The following ASTN2 variants were observed in gnomAD, a reference collection of about 807,000 sequenced individuals.
ASTN2 encodes the protein astrotactin-2.
ASTN2 carries 54 observed loss-of-function variants against 139.8 expected under a neutral mutation model. The observed-to-expected ratio is 0.39, with a 90% CI of 0.31 to 0.48. The LOEUF is 0.48. Among genes scored for constraint, ASTN2 ranks in the 20% least tolerant of loss-of-function variants. The pLI, the probability that ASTN2 is intolerant of heterozygous loss-of-function variation, is 0.95. For missense variants in ASTN2, 1,565 were observed against 1,725.1 expected (o/e 0.91, Z 1.64); for synonymous variants, 756 against 719.5 (o/e 1.05, Z -0.81).
chr9:116,792,026 A>G (rs942770977), intron 13 of ASTN2, among the ~76,000 whole-genome samples: 40 of 152,220 alleles, frequency 2.6e-4, no homozygotes, highest in Non-Finnish European at 4.4e-4. Flanking sequence ...TAAAATGACC[A>G]GGTTTGGTAT....
At chr9:116,642,141 A>AAAAAAAC (rs1857366787) in intron 17 of ASTN2, among the ~76,000 whole-genome samples, 1 of 145,774 alleles carries the variant, frequency 6.9e-6, no homozygotes, top group African/African-American at 2.6e-5. Context: ...ACAAAAAAAA[A>AAAAAAAC]AAAACAAAAA....
intron 19 of ASTN2, among the ~76,000 whole-genome samples, chr9:116,504,781 A>G (rs1850033807): frequency 6.6e-6 from 1 of 151,670 alleles, no homozygotes; most frequent in African/African-American, 2.4e-5. Flanking sequence ...CTGTAGCTCC[A>G]GCTACTCAGG....
rs1554732997 is a variant in ASTN2 at position 116,698,625 on chromosome 9, G to A, written c.2806+27146C>T. The A allele has an allele frequency of 1.2e-6, 2 of 1,614,146 alleles. No individual in the cohort carries two copies. The highest frequency in any genetic ancestry group is 1.1e-5 in the South Asian group (1 of 91,082). ...TGGCCCCCTCCAAATTGGACAAGCT[G>A]TTAAGAAGCCCCGGACAGTTAACGT... is the stretch of plus-strand genomic sequence containing the variant. On this transcript the variant is annotated intron_variant, in intron 16 of 22. Coordinates refer to ENST00000313400, the MANE Select transcript of ASTN2 (RefSeq NM_001365068.1). The surrounding 1 kb of genome is among the most constrained non-coding windows in gnomAD (Gnocchi z 4.4).
intron 13 of ASTN2, among the ~76,000 whole-genome samples, chr9:116,794,671 A>G (rs1830646942): frequency 6.6e-6 from 1 of 152,194 alleles, no homozygotes; most frequent in African/African-American, 2.4e-5. Context: ...TATGAGCATC[A>G]ATCTGCTTTG....
At chr9:117,273,608 G>A (rs1210135628) in intron 2 of ASTN2, among the ~76,000 whole-genome samples, 1 of 152,170 alleles carries the variant, frequency 6.6e-6, no homozygotes, top group Non-Finnish European at 1.5e-5. Context: ...ACGGGGCCAT[G>A]CACATGAGCA....
chr9:116,709,103 T>C (rs749706902), intron 16 of ASTN2, among the ~76,000 whole-genome samples: 2 of 152,176 alleles, frequency 1.3e-5, no homozygotes, highest in Non-Finnish European at 2.9e-5. Flanking sequence ...AGCCTGTGAC[T>C]CTCCATACCA....
intron 1 of ASTN2, among the ~76,000 whole-genome samples, chr9:117,327,702 C>T (rs1828563497): frequency 6.6e-6 from 1 of 152,144 alleles, no homozygotes; most frequent in African/African-American, 2.4e-5. Flanking sequence ...ATGCAGAAGT[C>T]CCTAGGGAGG....
At chr9:116,439,435 C>T (rs1055409522) in intron 22 of ASTN2, among the ~76,000 whole-genome samples, 16 of 139,476 alleles carry the variant, frequency 1.1e-4, no homozygotes, top group Non-Finnish European at 1.5e-4. Flanking sequence ...CTCCTGACCT[C>T]GTGATCCGCC....
chr9:116,577,892 T>C (rs2131704371), intron 19 of ASTN2, among the ~76,000 whole-genome samples: 1 of 152,150 alleles, frequency 6.6e-6, no homozygotes, highest in Non-Finnish European at 1.5e-5. Context: ...AGCAGAGGGA[T>C]TTAAACTTGC....
intron 19 of ASTN2, among the ~76,000 whole-genome samples, chr9:116,614,635 T>C (rs977887821): frequency 2.6e-5 from 4 of 152,144 alleles, no homozygotes; most frequent in Non-Finnish European, 4.4e-5. Context: ...GGATTCCCTA[T>C]TTAATAAATG....
intron 15 of ASTN2, 114 bp downstream of exon 15, chr9:116,728,878 T>C (rs1828702573): frequency 4.8e-6 from 4 of 829,534 alleles, no homozygotes; most frequent in Non-Finnish European, 3.8e-6. Context: ...AGAGGATGCA[T>C]CCTCATTTCC....
chr9:117,414,426 C>T lies in ASTN2; in HGVS notation c.442+71G>A, dbSNP rs1831265951. On this transcript the variant is annotated intron_variant, in intron 1 of 22. Transcript: ENST00000313400. This position sits in a 1 kb window ranked among gnomAD's most constrained non-coding sequence, Gnocchi z 4.2. ...CCCGGGCAGGGATCCCCAGGGCGCC[C>T]CCACCCGTCCGGCATGACGCAGGGG... 1.9e-6 allele frequency: 3 copies of T among 1,580,816 alleles called. No individual in the cohort carries two copies. The Admixed American group carries it at 5.2e-5, about 27-fold the overall frequency.
intron 19 of ASTN2, among the ~76,000 whole-genome samples, chr9:116,489,229 G>T (rs549358138): frequency 6.6e-6 from 1 of 152,202 alleles, no homozygotes; most frequent in African/African-American, 2.4e-5. Flanking sequence ...CAGCTTGGTG[G>T]TGCTTCTCTA....
At chr9:117,340,577 G>A (rs569087397) in intron 1 of ASTN2, among the ~76,000 whole-genome samples, 1 of 152,140 alleles carries the variant, frequency 6.6e-6, no homozygotes, top group South Asian at 2.1e-4. Context: ...CTTGTTATTG[G>A]AGCCAGTAGA....
At chr9:117,303,272 G>A (rs1010741892) in intron 1 of ASTN2, among the ~76,000 whole-genome samples, 3 of 152,156 alleles carry the variant, frequency 2.0e-5, no homozygotes, top group Non-Finnish European at 4.4e-5. Context: ...AATATTGACT[G>A]ATACAAGATT....
intron 4 of ASTN2, among the ~76,000 whole-genome samples, chr9:117,112,142 T>C (rs1343995824): frequency 1.3e-5 from 2 of 151,968 alleles, no homozygotes; most frequent in Non-Finnish European, 2.9e-5. Context: ...AAAGAAAATC[T>C]AAATAAACAA....
intron 12 of ASTN2, among the ~76,000 whole-genome samples, chr9:116,815,916 C>T (rs147738610): frequency 6.6e-6 from 1 of 151,330 alleles, no homozygotes; most frequent in Non-Finnish European, 1.5e-5. Context: ...GTGTATAACT[C>T]CTGAAAACAA....
chr9:117,234,334 T>A (rs1832981929), intron 2 of ASTN2, among the ~76,000 whole-genome samples: 1 of 152,122 alleles, frequency 6.6e-6, no homozygotes, highest in Non-Finnish European at 1.5e-5. Context: ...TCGGACCACC[T>A]TACCAAGATC....
intron 20 of ASTN2, among the ~76,000 whole-genome samples, chr9:116,470,866 G>A (rs1848790635): frequency 6.6e-6 from 1 of 152,122 alleles, no homozygotes; most frequent in Non-Finnish European, 1.5e-5. Flanking sequence ...AATGCTTTAT[G>A]GTGGGTACTC....
Sources: gnomAD v4.1 joint callset for allele counts (sites outside exome capture counted in the v4.1 genomes callset) on GRCh38, gnomAD v4.1.1 for gene constraint, Gnocchi (gnomAD v3.1) non-coding constraint, MANE v1.5 for transcripts, NCBI Gene and HGNC (gene_info 2026-07-23, HGNC 2026-07-21) for gene names.